IFI27L1: variants seen among roughly 807,000 people sequenced by gnomAD.
The protein encoded by IFI27L1 is interferon alpha inducible protein 27 like 1.
A neutral mutation model predicts 9.2 loss-of-function variants in IFI27L1; 3 were observed. The observed-to-expected ratio is 0.32, with a 90% CI of 0.15 to 0.84. The LOEUF (loss-of-function observed/expected upper bound fraction) is 0.84. Ranked by LOEUF, IFI27L1 falls within the 40% of genes least tolerant of loss-of-function variation. IFI27L1 has a pLI of 0.56. For missense variants in IFI27L1, 133 were observed against 134.2 expected, an observed-to-expected ratio of 0.99 and a Z score of 0.05; for synonymous variants, 53 against 50.0, an observed-to-expected ratio of 1.06 and a Z score of -0.26.
chr14:94,095,038 C>T (rs1337914526), intron 1 of IFI27L1: 1 of 152,154 alleles, frequency 6.6e-6, no homozygotes, highest in African/African-American at 2.4e-5. Flanking sequence ...CAAAGGCACA[C>T]TTAAAAAAAA....
chr14:94,084,716 C>T (rs1410434759), intron 1 of IFI27L1, among the ~76,000 whole-genome samples: 6 of 152,140 alleles, frequency 3.9e-5, no homozygotes, highest in South Asian at 2.1e-4. Context: ...AGGAACAACA[C>T]GTTTTACGAC....
intron 1 of IFI27L1, chr14:94,088,372 C>G: frequency 1.4e-6 from 1 of 701,886 alleles, no homozygotes; most frequent in Non-Finnish European, 2.6e-6. Context: ...CCCGATATCC[C>G]AGTTTCGTGA....
chr14:94,102,057 C>A (rs1203863241), intron 4 of IFI27L1, 82 bp downstream of exon 4: 1 of 1,421,440 alleles, frequency 7.0e-7, no homozygotes, highest in African/African-American at 1.4e-5. Flanking sequence ...CCTCTCCCTG[C>A]AGGTCCGTGA....
chr14:94,097,524 A>T, intron 2 of IFI27L1: 2 of 660,760 alleles, frequency 3.0e-6, no homozygotes, highest in African/African-American at 1.8e-5. Flanking sequence ...TGCTGAGAGG[A>T]TGGATTCCGG....
rs1595399742 is a variant in IFI27L1 at position 94,101,673 on chromosome 14, C to T, written c.62-141C>T. On this transcript the variant is annotated intron_variant, in intron 3 of 4. Coordinates refer to ENST00000555523, the MANE Select transcript of IFI27L1 (RefSeq NM_206949.3). ...CACTGGCTGCTTTACACGTTGACTG[C>T]CCTTGTTTTGGGATCCCATCCCTGC... 5.3e-6 allele frequency: 4 copies of T among 748,838 alleles called. No homozygotes were observed. In the East Asian group the frequency reaches 1.1e-4, roughly 20 times the overall value. The allele number at this position is 748,838 out of a possible 1,614,324, so 46.4% of individuals were successfully genotyped here.
At chr14:94,083,310 G>T (rs1184295176) in intron 1 of IFI27L1, among the ~76,000 whole-genome samples, 1 of 152,234 alleles carries the variant, frequency 6.6e-6, no homozygotes, top group Admixed American at 6.5e-5. Flanking sequence ...GGTTTCTTGA[G>T]ATACAATCTA....
At chr14:94,102,435 A>G in intron 4 of IFI27L1, 42 bp from the exon 5 acceptor site, 2 of 1,316,516 alleles carry the variant, frequency 1.5e-6, no homozygotes, top group Non-Finnish European at 2.1e-6. Flanking sequence ...AGGAGCTGCT[A>G]CCCCTCCCTG....
chr14:94,096,692 T>TAA (rs1886681285), intron 1 of IFI27L1, 195 bp from the exon 2 acceptor site: 1 of 400,516 alleles, frequency 2.5e-6, no homozygotes, highest in Non-Finnish European at 4.3e-6. Context: ...AGACTCTGTC[T>TAA]CAGAAAAAAA....
At chr14:94,096,100 G>C (rs1179041904) in intron 1 of IFI27L1, among the ~76,000 whole-genome samples, 3 of 152,180 alleles carry the variant, frequency 2.0e-5, no homozygotes, top group Non-Finnish European at 4.4e-5. Flanking sequence ...AGGCCTAAAA[G>C]AGCAGGGAAT....
rs1394148343 is a variant in IFI27L1, at chr14:94,100,194, G to T, written c.29-545G>T. On this transcript the variant is annotated intron_variant, in intron 2 of 4. Coordinates refer to ENST00000555523, the MANE Select transcript of IFI27L1 (RefSeq NM_206949.3). Reference sequence around the variant, plus strand: ...GTCAGGAGTCGTGACAGAGAGAAAGGGAGGTCCTGAGCCATGAGCTAAAAG... The same window carrying T: ...GTCAGGAGTCGTGACAGAGAGAAAGTGAGGTCCTGAGCCATGAGCTAAAAG... 5.2e-6 allele frequency: 4 copies of T among 776,130 alleles called. No individual in the cohort carries two copies. In the African/African-American group the frequency reaches 7.5e-5, roughly 15 times the overall value. 48.1% of individuals were successfully genotyped at this position (776,130 alleles called of 1,614,324 possible). A position where few individuals can be genotyped will look rare whatever the true frequency, so the allele number is the denominator to read the frequency against.
chr14:94,100,467 C>G (rs890219819), intron 2 of IFI27L1: 1 of 985,212 alleles, frequency 1.0e-6, no homozygotes, highest in African/African-American at 1.7e-5. Context: ...CATGCTCTGC[C>G]CAGTGCTGCA....
At chr14:94,084,878 G>C (rs551847870) in intron 1 of IFI27L1, among the ~76,000 whole-genome samples, 11 of 152,130 alleles carry the variant, frequency 7.2e-5, no homozygotes, top group Non-Finnish European at 1.6e-4. Context: ...TCTTCCTCAA[G>C]GGAAATTGGG....
chr14:94,087,718 G>A (rs1198790592), intron 1 of IFI27L1, among the ~76,000 whole-genome samples: 2 of 151,690 alleles, frequency 1.3e-5, no homozygotes, highest in South Asian at 2.1e-4. Context: ...GAGCCACCGT[G>A]CCCAGCCGAT....
At chr14:94,096,477 C>T (rs531388530) in intron 1 of IFI27L1, among the ~76,000 whole-genome samples, 19 of 152,276 alleles carry the variant, frequency 1.2e-4, no homozygotes, top group African/African-American at 1.7e-4. Flanking sequence ...GGGCGGATCA[C>T]GAGGTCAGGG....
chr14:94,101,161 G>C, intron 3 of IFI27L1: 2 of 391,598 alleles, frequency 5.1e-6, no homozygotes, highest in Non-Finnish European at 9.3e-6. Flanking sequence ...AATGCTGGTA[G>C]CCCATCCACT....
chr14:94,091,979 AG>A lies in IFI27L1; in HGVS notation c.-51-4907del, dbSNP rs2079130446. ...TCTCTACTAAAAATACAAAAAAATT[AG>A]CCACGCATGGTGGCGGGTGCCTGTA... On this transcript the variant is annotated intron_variant, in intron 1 of 4. Coordinates refer to ENST00000555523, the MANE Select transcript of IFI27L1 (RefSeq NM_206949.3). Among the ~76,000 whole-genome samples, 15 of 151,996 alleles carry A rather than the reference AG, an allele frequency of 9.9e-5. No homozygotes were observed. The East Asian group carries it at 2.9e-3, about 30-fold the overall frequency.
intron 1 of IFI27L1, among the ~76,000 whole-genome samples, chr14:94,095,060 G>T (rs986159572): frequency 2.6e-5 from 4 of 152,072 alleles, no homozygotes; most frequent in African/African-American, 2.4e-5. Context: ...TTAGAGACAG[G>T]ATCTCACTGT....
At chr14:94,087,815 A>G (rs1281070164) in intron 1 of IFI27L1, among the ~76,000 whole-genome samples, 1 of 152,124 alleles carries the variant, frequency 6.6e-6, no homozygotes, top group Non-Finnish European at 1.5e-5. Flanking sequence ...ATCATCATTC[A>G]TGTGCAGATA....
chr14:94,091,356 C>T (rs918741604), intron 1 of IFI27L1, among the ~76,000 whole-genome samples: 2 of 152,192 alleles, frequency 1.3e-5, no homozygotes, highest in African/African-American at 4.8e-5. Context: ...CTATTAGTAG[C>T]ATACACTAAG....
Sources: gnomAD v4.1 joint callset for allele counts (sites outside exome capture counted in the v4.1 genomes callset) on GRCh38, gnomAD v4.1.1 for gene constraint, MANE v1.5 for transcripts, NCBI Gene and HGNC (gene_info 2026-07-23, HGNC 2026-07-21) for gene names.